The following SPINK8 variants were observed in gnomAD, a reference collection of about 807,000 sequenced individuals.
SPINK8 encodes the protein serine peptidase inhibitor Kazal type 8 (putative).
In SPINK8, 12 loss-of-function variants were observed where a neutral mutation model predicts 14.4. That is an observed-to-expected ratio of 0.83 (90% CI 0.53 to 1.35). SPINK8 has a LOEUF of 1.35. SPINK8 is among the 40% of genes most tolerant of loss of function. The pLI is 0.00. For missense variants in SPINK8, 103 were observed against 117.0 expected (o/e 0.88, Z 0.55); for synonymous variants, 32 against 37.6 (o/e 0.85, Z 0.55).
chr3:48,330,535 G>C (rs775636842), intron 2 of SPINK8, among the ~76,000 whole-genome samples: 2 of 152,092 alleles, frequency 1.3e-5, no homozygotes, highest in Non-Finnish European at 2.9e-5. Context: ...TCAGTTGCAA[G>C]ATTTAATAGA....
chr3:48,325,420 CGTT>C (rs2036125508), intron 4 of SPINK8, among the ~76,000 whole-genome samples: 2 of 148,316 alleles, frequency 1.3e-5, no homozygotes, highest in Admixed American at 1.4e-4. Flanking sequence ...TTTAATGTAA[CGTT>C]GTAATTTTTT....
intron 6 of SPINK8, among the ~76,000 whole-genome samples, chr3:48,314,920 C>T (rs1011206926): frequency 6.6e-6 from 1 of 152,226 alleles, no homozygotes; most frequent in Admixed American, 6.5e-5. Context: ...CCCAACATCT[C>T]ATCTCTAACT....
intron 4 of SPINK8, among the ~76,000 whole-genome samples, chr3:48,322,047 C>T (rs1466489005): frequency 6.6e-6 from 1 of 152,026 alleles, no homozygotes; most frequent in African/African-American, 2.4e-5. Context: ...AATTCCTGGG[C>T]TTAAGCAATT....
chr3:48,312,035 G>A (rs1021975100), intron 6 of SPINK8, among the ~76,000 whole-genome samples: 1 of 152,034 alleles, frequency 6.6e-6, no homozygotes, highest in African/African-American at 2.4e-5. Context: ...TTGGGAGGCT[G>A]AGGCAGGAGG....
At chr3:48,315,541 TG>T (rs1407829292) in intron 6 of SPINK8, among the ~76,000 whole-genome samples, 1 of 151,538 alleles carries the variant, frequency 6.6e-6, no homozygotes, top group Non-Finnish European at 1.5e-5. Context: ...ACCAACATGG[TG>T]AAATCCTGTC....
intron 6 of SPINK8, among the ~76,000 whole-genome samples, chr3:48,315,663 G>A (rs2035978236): frequency 1.4e-5 from 2 of 140,298 alleles, no homozygotes; most frequent in South Asian, 4.8e-4. Context: ...AGAGGTTGCA[G>A]TGAGCCGAGA....
chr3:48,333,238 A>C (rs2036288697), intron 1 of SPINK8, among the ~76,000 whole-genome samples: 1 of 152,192 alleles, frequency 6.6e-6, no homozygotes, highest in Non-Finnish European at 1.5e-5. Context: ...CTTCCCTTGG[A>C]GGGCATGTTT....
chr3:48,330,821 C>G (rs763647825), intron 2 of SPINK8, among the ~76,000 whole-genome samples: 1 of 100,036 alleles, frequency 1.0e-5, no homozygotes, highest in Non-Finnish European at 2.7e-5. Context: ...TCTTAGTCAG[C>G]CTAAGAAATC....
intron 6 of SPINK8, among the ~76,000 whole-genome samples, chr3:48,313,324 T>G (rs1171739306): frequency 2.0e-5 from 3 of 152,042 alleles, no homozygotes; most frequent in Non-Finnish European, 1.5e-5. Context: ...AGGACTTGAG[T>G]AGATATTTCT....
At chr3:48,320,325 A>C (rs2036055291) in intron 5 of SPINK8, among the ~76,000 whole-genome samples, 1 of 152,150 alleles carries the variant, frequency 6.6e-6, no homozygotes, top group Admixed American at 6.5e-5. Context: ...CGAGGTGGGC[A>C]GACCATAAGG....
At chr3:48,314,529 C>T (rs962878838) in intron 6 of SPINK8, among the ~76,000 whole-genome samples, 3 of 152,058 alleles carry the variant, frequency 2.0e-5, no homozygotes, top group South Asian at 2.1e-4. Context: ...CTGGCAGCAT[C>T]TGGAGGGAGA....
chr3:48,328,135 T>A, intron 4 of SPINK8, 140 bp downstream of exon 4: 1 of 661,008 alleles, frequency 1.5e-6, no homozygotes, highest in Non-Finnish European at 2.4e-6. Flanking sequence ...ATCCTTTCTC[T>A]GGGTTTTAAT....
At chr3:48,308,254 A>T (rs1008854876) in intron 7 of SPINK8, among the ~76,000 whole-genome samples, 5 of 151,922 alleles carry the variant, frequency 3.3e-5, no homozygotes, top group Non-Finnish European at 7.4e-5. Context: ...GATTACAGGC[A>T]TGAGCCACCG....
chr3:48,322,564 G>A (rs1289617384), intron 4 of SPINK8, among the ~76,000 whole-genome samples: 2 of 152,146 alleles, frequency 1.3e-5, no homozygotes, highest in African/African-American at 4.8e-5. Context: ...TCGAACTCCT[G>A]ACCTTAGGTG....
chr3:48,310,817 G>T (rs542660744), intron 6 of SPINK8, among the ~76,000 whole-genome samples: 2 of 152,208 alleles, frequency 1.3e-5, no homozygotes, highest in East Asian at 3.9e-4. Context: ...ATTTTTAAAA[G>T]ATTTAGTACC....
intron 1 of SPINK8, among the ~76,000 whole-genome samples, 65 bp downstream of exon 1, chr3:48,333,470 G>C (rs2036292138): frequency 6.6e-6 from 1 of 152,118 alleles, no homozygotes; most frequent in Admixed American, 6.5e-5. Flanking sequence ...TGGTCCTAAT[G>C]CTTATTCCTT....
intron 4 of SPINK8, among the ~76,000 whole-genome samples, chr3:48,322,396 C>T (rs899548282): frequency 1.3e-5 from 2 of 151,584 alleles, no homozygotes; most frequent in African/African-American, 2.4e-5. Flanking sequence ...AGTGCAGTGG[C>T]GCGATCTCAG....
At chr3:48,331,563 G>A (rs1017885396) in intron 2 of SPINK8, among the ~76,000 whole-genome samples, 14 of 152,150 alleles carry the variant, frequency 9.2e-5, no homozygotes, top group African/African-American at 2.2e-4. Flanking sequence ...ATATTGCTGC[G>A]TGGGCATGGA....
chr3:48,315,469 C>T (rs1385760430), intron 6 of SPINK8, among the ~76,000 whole-genome samples: 1 of 152,000 alleles, frequency 6.6e-6, no homozygotes, highest in Non-Finnish European at 1.5e-5. Flanking sequence ...TCCTGTAATC[C>T]TAACACTTTG....
Sources: allele counts gnomAD v4.1 joint callset (sites outside exome capture counted in the v4.1 genomes callset), GRCh38; gene constraint gnomAD v4.1.1; transcripts MANE v1.5; gene names NCBI Gene and HGNC (gene_info 2026-07-23, HGNC 2026-07-21).